The following LRRC74A variants were observed in gnomAD, a reference collection of about 807,000 sequenced individuals.
LRRC74A encodes leucine rich repeat containing 74A.
A neutral mutation model predicts 57.9 loss-of-function variants in LRRC74A; 44 were observed. That is an observed-to-expected ratio of 0.76 (90% CI 0.60 to 0.98). The LOEUF (loss-of-function observed/expected upper bound fraction) is 0.98, where lower values mean the gene tolerates loss of function less well. Ranked by LOEUF, LRRC74A falls within the 50% of genes least tolerant of loss-of-function variation. The pLI, the probability that LRRC74A is intolerant of heterozygous loss-of-function variation, is 0.00. For synonymous variants in LRRC74A, 211 were observed against 219.4 expected (o/e 0.96, Z 0.34); for missense variants, 572 against 574.0 (o/e 1.00, Z 0.04).
chr14:76,850,861 A>AAAAAAAAG (rs773711469), intron 7 of LRRC74A, among the ~76,000 whole-genome samples: 17 of 96,552 alleles, frequency 1.8e-4, no homozygotes, highest in Non-Finnish European at 3.1e-4. Context: ...AAAAAAAAAA[A>AAAAAAAAG]AAAGAAAGAA....
intron 7 of LRRC74A, among the ~76,000 whole-genome samples, chr14:76,848,716 TGA>T (rs1490954167): frequency 6.6e-6 from 1 of 152,108 alleles, no homozygotes; most frequent in Non-Finnish European, 1.5e-5. Flanking sequence ...TGGAAAATGC[TGA>T]GAGGAAGAAA....
chr14:76,831,347 G>T lies in LRRC74A; in HGVS notation c.311G>T (p.Gly104Val). The stretch of plus-strand genomic sequence containing the variant: ...AACCACCACGGCCTGGGCCCCAGGG[G>T]TACCAAGGCTATTGCTATAGCCCTG... ...NLNHHGLGPRGTKAIAIALVS... is the reference protein window; with the variant it reads ...NLNHHGLGPRVTKAIAIALVS... The change falls in exon 3 of 14, where the codon GGT becomes GTT. Residue 104 changes from glycine to valine, a missense_variant. Coordinates refer to ENST00000689127, the MANE Select transcript of LRRC74A (RefSeq NM_001385106.1). 6.2e-6 allele frequency: 10 copies of T among 1,613,738 alleles called. No homozygotes were observed. Among genetic ancestry groups the T allele is most frequent in the Non-Finnish European group, 8.5e-6 (10 of 1,179,884 alleles).
intron 1 of LRRC74A, 43 bp downstream of exon 1, chr14:76,826,777 C>A: frequency 1.5e-6 from 2 of 1,338,310 alleles, no homozygotes; most frequent in African/African-American, 1.5e-5. Context: ...CCCGTCCCTG[C>A]TGCCTCAGTA....
intron 10 of LRRC74A, among the ~76,000 whole-genome samples, chr14:76,857,964 G>A (rs1263821112): frequency 6.6e-6 from 1 of 152,204 alleles, no homozygotes; most frequent in Non-Finnish European, 1.5e-5. Flanking sequence ...AGCCCCAGGA[G>A]GTGACTTCAG....
chr14:76,870,169 A>G lies in LRRC74A; in HGVS notation c.*20A>G, dbSNP rs1408977052. 2.5e-6 allele frequency: 4 copies of G among 1,608,746 alleles called. No homozygotes were observed. The African/African-American group carries it at 5.3e-5, about 21-fold the overall frequency. ...CCATAGCAACAAGTCTGGTCTAGAAAGAAGTCTCGGCGAGAGGAGTCCTCG... is the reference window on the plus strand; with the variant it reads ...CCATAGCAACAAGTCTGGTCTAGAAGGAAGTCTCGGCGAGAGGAGTCCTCG... On this transcript the variant is annotated 3_prime_UTR_variant, in exon 14 of 14. Transcript: ENST00000689127.
In LRRC74A at chr14:76,860,742, C is replaced by T. The variant is rs868612310; in HGVS notation, c.1103C>T (p.Ala368Val). The T allele has an allele frequency of 6.2e-7, 1 of 1,611,864 alleles. No homozygotes were observed. ...ATGAAAACGTTGGACGGAGTGTATG[C>T]CGTTCACCCGCAGCTGGACGTGGTA... ...QFMKTLDGVY[A>V]VHPQLDVVFK... The change falls in exon 11 of 14, where the codon GCC (alanine) becomes GTC (valine). Residue 368 changes from alanine to valine, a missense_variant. Coordinates refer to ENST00000689127, the MANE Select transcript of LRRC74A (RefSeq NM_001385106.1).
At chr14:76,864,072 G>A (rs958081247) in intron 11 of LRRC74A, among the ~76,000 whole-genome samples, 11 of 152,254 alleles carry the variant, frequency 7.2e-5, no homozygotes, top group African/African-American at 2.4e-4. Context: ...GAAGCCTGCT[G>A]TGAAGAAACA....
chr14:76,828,022 C>T lies in LRRC74A; in HGVS notation c.38-269C>T, dbSNP rs574611184. Reference sequence around the variant, plus strand: ...GAGCAAGGAGCCGATCTCCAAGGCACGCCTCAGACAGGGAAGGGGGAAGGA... The same window carrying T: ...GAGCAAGGAGCCGATCTCCAAGGCATGCCTCAGACAGGGAAGGGGGAAGGA... On this transcript the variant is annotated intron_variant, in intron 1 of 13. Transcript: ENST00000689127. Among the ~76,000 whole-genome samples the T allele has an allele frequency of 9.8e-5, 15 of 152,286 alleles. 1 individual carries two copies. Among genetic ancestry groups the T allele is most frequent in the Middle Eastern group, 6.8e-3 (2 of 294 alleles).
At chr14:76,847,618 G>T (rs1897192825) in intron 7 of LRRC74A, among the ~76,000 whole-genome samples, 1 of 151,702 alleles carries the variant, frequency 6.6e-6, no homozygotes, top group Non-Finnish European at 1.5e-5. Flanking sequence ...GAAATAATCT[G>T]TACAACAAAC....
intron 5 of LRRC74A, among the ~76,000 whole-genome samples, chr14:76,843,258 A>G (rs1896894203): frequency 6.9e-6 from 1 of 145,910 alleles, no homozygotes; most frequent in South Asian, 2.1e-4. Context: ...ACTGCACTCC[A>G]GTCTGGGTGA....
At position 76,839,800 on chromosome 14, in the gene LRRC74A, G is replaced by A. The variant is rs938747755; in HGVS notation, c.544+1829G>A. On this transcript the variant is annotated intron_variant, in intron 5 of 13. Transcript: ENST00000689127. ...TTATTTATGGTACTTTCTCGACCTC[G>A]ACTCACTGCAACCCCCGCCTCCCAG... Among the ~76,000 whole-genome samples the A allele has an allele frequency of 3.3e-5, 5 of 152,024 alleles. No homozygotes were observed. In the East Asian group the frequency reaches 5.8e-4, roughly 18 times the overall value.
At chr14:76,864,736 C>A (rs1384257135) in intron 11 of LRRC74A, among the ~76,000 whole-genome samples, 3 of 152,260 alleles carry the variant, frequency 2.0e-5, no homozygotes, top group Middle Eastern at 3.4e-3. Context: ...TGCCTGTAAT[C>A]CCAGCTACCC....
intron 13 of LRRC74A, among the ~76,000 whole-genome samples, chr14:76,869,873 G>A (rs559455605): frequency 6.6e-6 from 1 of 152,234 alleles, no homozygotes; most frequent in Admixed American, 6.5e-5. Context: ...CCTCCCCAAA[G>A]GGCTCTTGCA....
At chr14:76,846,997 T>C (rs1897152857) in intron 7 of LRRC74A, among the ~76,000 whole-genome samples, 1 of 151,982 alleles carries the variant, frequency 6.6e-6, no homozygotes, top group South Asian at 2.1e-4. Flanking sequence ...CAGAGTTGAG[T>C]AGGTGGCCGT....
intron 3 of LRRC74A, among the ~76,000 whole-genome samples, chr14:76,835,921 C>A (rs780476877): frequency 6.6e-6 from 1 of 152,166 alleles, no homozygotes; most frequent in African/African-American, 2.4e-5. Context: ...CCCCTTAGGG[C>A]TAAATAGTTA....
At chr14:76,867,279 A>AGTGTG in intron 12 of LRRC74A, 77 bp from the exon 13 acceptor site, 1 of 302,070 alleles carries the variant, frequency 3.3e-6, no homozygotes, top group African/African-American at 7.8e-5. Context: ...TTGGGGGGGT[A>AGTGTG]GTGTGTTTGG....
chr14:76,856,167 C>T (rs960793986), intron 9 of LRRC74A, among the ~76,000 whole-genome samples: 1 of 152,232 alleles, frequency 6.6e-6, no homozygotes, highest in Non-Finnish European at 1.5e-5. Context: ...ACCCCTATGC[C>T]TTTGCACTTG....
chr14:76,849,920 T>C (rs756276971), intron 7 of LRRC74A, among the ~76,000 whole-genome samples: 4 of 151,452 alleles, frequency 2.6e-5, no homozygotes, highest in East Asian at 3.9e-4. Flanking sequence ...AAAAAAACTC[T>C]ATATAGGGCC....
chr14:76,834,728 C>T (rs574765211), intron 3 of LRRC74A, among the ~76,000 whole-genome samples: 1 of 152,238 alleles, frequency 6.6e-6, no homozygotes, highest in East Asian at 1.9e-4. Context: ...CCTCCTGCTT[C>T]CCCCTGGAAT....
Sources: gnomAD v4.1 joint callset for allele counts (sites outside exome capture counted in the v4.1 genomes callset) on GRCh38, gnomAD v4.1.1 for gene constraint, MANE v1.5 for transcripts, NCBI Gene and HGNC (gene_info 2026-07-23, HGNC 2026-07-21) for gene names.